NUP35: variants seen among roughly 807,000 people sequenced by gnomAD.
NUP35 encodes the protein nucleoporin NUP35.
NUP35 carries 25 observed loss-of-function variants against 41.5 expected under a neutral mutation model. The ratio of observed to expected loss-of-function variants is 0.60; its 90% CI spans 0.44 to 0.84. The LOEUF (loss-of-function observed/expected upper bound fraction) is 0.84, where lower values mean the gene tolerates loss of function less well. Ranked by LOEUF, NUP35 falls within the 40% of genes least tolerant of loss-of-function variation. The pLI, the probability that NUP35 is intolerant of heterozygous loss-of-function variation, is 0.00. For missense variants in NUP35, 396 were observed against 396.6 expected (o/e 1.00, Z 0.01); for synonymous variants, 149 against 130.7 (o/e 1.14, Z -0.96).
At chr2:183,157,370 C>A in intron 5 of NUP35, 74 bp from the exon 6 acceptor site, 1 of 1,086,578 alleles carries the variant, frequency 9.2e-7, no homozygotes, top group Non-Finnish European at 1.4e-6. Context: ...TATCTTGAAA[C>A]ATTATCTTGT....
At chr2:183,158,441 C>T in intron 7 of NUP35, 30 bp downstream of exon 7, 2 of 1,554,604 alleles carry the variant, frequency 1.3e-6, no homozygotes, top group East Asian at 2.3e-5. Flanking sequence ...GGCAAAGTAG[C>T]TTAATCTATA....
At chr2:183,131,151 T>G (rs1324180428) in intron 3 of NUP35, 1 of 226,834 alleles carries the variant, frequency 4.4e-6, no homozygotes, top group Non-Finnish European at 9.8e-6. Context: ...ATTGTATTTT[T>G]TTTTGTAGAG....
In NUP35 at chr2:183,128,451, C is replaced by G. The variant is rs1487549495; in HGVS notation, c.205C>G (p.Leu69Val). The G allele has an allele frequency of 6.2e-7, 1 of 1,610,750 alleles. No homozygotes were observed. Among genetic ancestry groups the G allele is most frequent in the African/African-American group, 1.3e-5 (1 of 74,804 alleles). ...AGTAATGGAAATGAGATCACCTTTA[C>G]TTGCAGGTAGGTGAATTGCTTAAAA... ...VGVMEMRSPL[L>V]AGGSPPQPVV... The change falls in exon 2 of 9, where the codon CTT (leucine) becomes GTT (valine). Residue 69 changes from leucine (L) to valine (V), a missense_variant. Leu to Val is a conservative substitution (Grantham distance 32). Transcript: ENST00000295119.
Position 183,128,408 on chromosome 2 carries a change from T to C in NUP35, c.162T>C (p.Ile54=), listed in dbSNP as rs758444464. ...PAPVTPQPRS[I]SGPSVGVMEM... Reference sequence around the variant, plus strand: ...CGGTGACTCCACAACCTCGATCAATTAGTGGCCCTTCAGTAGGAGTAATGG... The same window carrying C: ...CGGTGACTCCACAACCTCGATCAATCAGTGGCCCTTCAGTAGGAGTAATGG... The change falls in exon 2 of 9, where the codon ATT becomes ATC. Residue 54 remains isoleucine, a synonymous_variant. Coordinates refer to ENST00000295119, the MANE Select transcript of NUP35 (RefSeq NM_138285.5). The C allele has an allele frequency of 6.2e-7, 1 of 1,613,990 alleles. No homozygotes were observed. Among genetic ancestry groups the C allele is most frequent in the Non-Finnish European group, 8.5e-7 (1 of 1,179,956 alleles).
At chr2:183,152,156 A>ACACACAGACAG (rs56941373) in intron 5 of NUP35, among the ~76,000 whole-genome samples, 3 of 139,658 alleles carry the variant, frequency 2.1e-5, no homozygotes, top group Non-Finnish European at 4.6e-5. Context: ...CACACACACA[A>ACACACAGACAG]TGTCACAGGG....
At chr2:183,159,194 A>T (rs1383752497) in intron 7 of NUP35, among the ~76,000 whole-genome samples, 1 of 152,138 alleles carries the variant, frequency 6.6e-6, no homozygotes, top group East Asian at 1.9e-4. Flanking sequence ...TTCCCTAAGA[A>T]TTTTTTTGTC....
intron 5 of NUP35, among the ~76,000 whole-genome samples, chr2:183,156,566 C>G (rs1489530661): frequency 6.6e-6 from 1 of 152,114 alleles, no homozygotes; most frequent in African/African-American, 2.4e-5. Flanking sequence ...GTCTCGAACT[C>G]CTGACCTCAA....
upstream of NUP35, among the ~76,000 whole-genome samples, chr2:183,121,593 G>A (rs1700067827): frequency 1.3e-5 from 2 of 152,224 alleles, no homozygotes; most frequent in South Asian, 4.2e-4. Flanking sequence ...CAGCTCTTTG[G>A]GAGGCTGAGG....
At chr2:183,120,262 A>G (rs1882440), upstream of NUP35, 81,818 of 152,000 alleles carry the variant, frequency 0.54, 24,648 homozygotes, top group East Asian at 0.89. Context: ...CCTGGCCAAC[A>G]TGGCAAAACC....
At chr2:183,138,269 A>ATATATATTTTT in intron 4 of NUP35, among the ~76,000 whole-genome samples, 89 of 80,654 alleles carry the variant, frequency 1.1e-3, no homozygotes, top group Non-Finnish European at 1.3e-3. Flanking sequence ...ATATATATAT[A>ATATATATTTTT]TTTTTTTTTT....
intron 3 of NUP35, among the ~76,000 whole-genome samples, chr2:183,132,364 G>A (rs1011420788): frequency 5.9e-5 from 9 of 151,494 alleles, no homozygotes; most frequent in Non-Finnish European, 1.2e-4. Context: ...ATCAGCTTGG[G>A]CTACATGGCG....
chr2:183,123,682 AT>A (rs1214189478), upstream of NUP35: 1 of 535,972 alleles, frequency 1.9e-6, no homozygotes, highest in Non-Finnish European at 2.4e-6. Context: ...TAAACAATAT[AT>A]TTTTACACAC....
intron 4 of NUP35, among the ~76,000 whole-genome samples, chr2:183,145,123 A>G (rs574609117): frequency 6.6e-6 from 1 of 152,348 alleles, no homozygotes; most frequent in Admixed American, 6.5e-5. Flanking sequence ...AACTAAAATT[A>G]GTTAAGAGTA....
At chr2:183,148,252 G>A (rs1250681876) in intron 4 of NUP35, among the ~76,000 whole-genome samples, 2 of 152,124 alleles carry the variant, frequency 1.3e-5, no homozygotes, top group Non-Finnish European at 2.9e-5. Context: ...ATTGTGAATA[G>A]TGCTGTGATA....
At chr2:183,129,262 G>C (rs571285854) in intron 2 of NUP35, among the ~76,000 whole-genome samples, 2 of 152,272 alleles carry the variant, frequency 1.3e-5, no homozygotes, top group East Asian at 1.9e-4. Flanking sequence ...TCAGGGCAAA[G>C]TATTGTAAAT....
At chr2:183,152,528 TATG>T (rs1685507925) in intron 5 of NUP35, among the ~76,000 whole-genome samples, 1 of 152,222 alleles carries the variant, frequency 6.6e-6, no homozygotes, top group South Asian at 2.1e-4. Context: ...AGTGAGAACA[TATG>T]ATGTTTGGTT....
chr2:183,125,254 C>G (rs1021153522), intron 1 of NUP35, among the ~76,000 whole-genome samples: 32 of 152,004 alleles, frequency 2.1e-4, no homozygotes, highest in Middle Eastern at 3.4e-3. Flanking sequence ...AAAAAATCTA[C>G]CACTTTAACA....
intron 4 of NUP35, among the ~76,000 whole-genome samples, chr2:183,148,674 C>T (rs183264031): frequency 1.8e-4 from 28 of 152,064 alleles, no homozygotes; most frequent in Admixed American, 1.2e-3. Context: ...AGATATATTT[C>T]GAGATGGAGT....
chr2:183,151,620 C>T lies in NUP35; in HGVS notation c.510C>T (p.His170=). The T allele has an allele frequency of 6.2e-7, 1 of 1,613,960 alleles. No homozygotes were observed. The highest frequency in any genetic ancestry group is 8.5e-7 in the Non-Finnish European group (1 of 1,179,874). Residue 170 remains histidine (H), a synonymous_variant, in exon 5 of 9, where the codon CAC becomes CAT. Transcript: ENST00000295119. ...GAGATTCTTTGACTTCAGAAGATCA[C>T]CTCGATGACTCTTGGGTGACTGTAT... The part of the protein sequence containing the change: ...TQGDSLTSED[H]LDDSWVTVFG...
Sources: allele counts gnomAD v4.1 joint callset (sites outside exome capture counted in the v4.1 genomes callset), GRCh38; gene constraint gnomAD v4.1.1; transcripts MANE v1.5; gene names NCBI Gene and HGNC (gene_info 2026-07-23, HGNC 2026-07-21).